The following ANKRD10 variants were observed in gnomAD, a reference collection of about 807,000 sequenced individuals.
The protein encoded by ANKRD10 is ankyrin repeat domain 10.
In ANKRD10, 14 loss-of-function variants were observed where a neutral mutation model predicts 27.0. The ratio of observed to expected loss-of-function variants is 0.52; its 90% CI spans 0.34 to 0.81. The LOEUF (loss-of-function observed/expected upper bound fraction) is 0.81, where lower values mean the gene tolerates loss of function less well. ANKRD10 is among the 40% of genes least tolerant of loss of function. The probability of loss-of-function intolerance (pLI) is 0.01; values close to 1 mark genes in which losing one functional copy is unlikely to be tolerated. For missense variants in ANKRD10, 493 were observed against 544.0 expected, an observed-to-expected ratio of 0.91 and a Z score of 0.93; for synonymous variants, 250 against 224.5, an observed-to-expected ratio of 1.11 and a Z score of -1.01.
At position 110,879,620 on chromosome 13, in the gene ANKRD10, G is replaced by A; in HGVS notation, c.*17C>T. 2 of 1,593,930 alleles carry A rather than the reference G, an allele frequency of 1.3e-6. No homozygotes were observed. Among genetic ancestry groups the A allele is most frequent in the East Asian group, 2.2e-5 (1 of 44,476 alleles). ...CCAGGAAGGACTCCTGCGTTTCCGA[G>A]AGCCAGGTCAGCGTCTCTAGGAGCC... On this transcript the variant is annotated 3_prime_UTR_variant, in exon 6 of 6. Coordinates refer to ENST00000267339, the MANE Select transcript of ANKRD10 (RefSeq NM_017664.4).
intron 3 of ANKRD10, among the ~76,000 whole-genome samples, chr13:110,902,669 T>C (rs1035491529): frequency 6.6e-6 from 1 of 152,226 alleles, no homozygotes; most frequent in Non-Finnish European, 1.5e-5. Context: ...GCTGAAAATC[T>C]GGTTACCACA....
intron 1 of ANKRD10, 198 bp downstream of exon 1, chr13:110,914,527 C>G: frequency 3.0e-5 from 20 of 674,300 alleles, no homozygotes; most frequent in Non-Finnish European, 4.1e-5. Flanking sequence ...GCCCCGCGCC[C>G]CCCGGCTGCC....
intron 1 of ANKRD10, 79 bp downstream of exon 1, chr13:110,914,645 TC>T (rs1366258854): frequency 1.0e-5 from 15 of 1,465,422 alleles, no homozygotes; most frequent in Admixed American, 2.3e-5. Context: ...ACGCCCCACG[TC>T]CCCCGCACCT....
At chr13:110,914,040 G>A (rs942670916) in intron 1 of ANKRD10, among the ~76,000 whole-genome samples, 1 of 152,210 alleles carries the variant, frequency 6.6e-6, no homozygotes, top group African/African-American at 2.4e-5. Context: ...TTAGATCCAA[G>A]ATAAACACAG....
chr13:110,907,420 G>C (rs986444069), intron 2 of ANKRD10, among the ~76,000 whole-genome samples: 1 of 152,112 alleles, frequency 6.6e-6, no homozygotes, highest in African/African-American at 2.4e-5. Context: ...GGGTCACTTA[G>C]AAAACAGTTC....
chr13:110,885,697 T>A (rs999490161), intron 4 of ANKRD10, among the ~76,000 whole-genome samples: 1 of 151,850 alleles, frequency 6.6e-6, no homozygotes, highest in African/African-American at 2.4e-5. Flanking sequence ...CAAGAGCGGG[T>A]CAACGTTTGC....
At position 110,906,027 on chromosome 13, in the gene ANKRD10, A is replaced by T; in HGVS notation, c.455+6T>A. The T allele has an allele frequency of 6.3e-7, 1 of 1,586,822 alleles. No individual in the cohort carries two copies. Among genetic ancestry groups the T allele is most frequent in the Non-Finnish European group, 8.6e-7 (1 of 1,163,656 alleles). ...TAGCTGGAAAGAATAAACGAAAGAC[A>T]CTTACTCGACGTGAGCCCCATTCGC... is the stretch of plus-strand genomic sequence containing the variant. On this transcript the variant is annotated splice_donor_region_variant and intron_variant, in intron 3 of 5. Coordinates refer to ENST00000267339, the MANE Select transcript of ANKRD10 (RefSeq NM_017664.4).
chr13:110,901,766 C>A (rs1384964526), intron 3 of ANKRD10, among the ~76,000 whole-genome samples: 2 of 152,150 alleles, frequency 1.3e-5, no homozygotes, highest in African/African-American at 2.4e-5. Flanking sequence ...AAGGAGGCTG[C>A]ACAGTGGCTC....
chr13:110,891,578 T>C (rs531698481), intron 4 of ANKRD10, among the ~76,000 whole-genome samples: 1 of 152,182 alleles, frequency 6.6e-6, no homozygotes, highest in Admixed American at 6.5e-5. Context: ...ATCAACTTTA[T>C]AGGGAAAAAA....
intron 3 of ANKRD10, among the ~76,000 whole-genome samples, chr13:110,905,583 T>C (rs2065508593): frequency 6.6e-6 from 1 of 152,184 alleles, no homozygotes; most frequent in African/African-American, 2.4e-5. Flanking sequence ...GACGTGGAAA[T>C]CAAAACCTAG....
chr13:110,884,275 G>A (rs2064874762), intron 4 of ANKRD10, among the ~76,000 whole-genome samples: 1 of 152,172 alleles, frequency 6.6e-6, no homozygotes, highest in African/African-American at 2.4e-5. Context: ...CTGTCCCAGA[G>A]TGGCATTTGA....
intron 4 of ANKRD10, among the ~76,000 whole-genome samples, chr13:110,887,135 G>A (rs988336867): frequency 6.6e-6 from 1 of 152,138 alleles, no homozygotes; most frequent in African/African-American, 2.4e-5. Flanking sequence ...CTGACCCTGG[G>A]GGACACACAG....
chr13:110,884,326 C>A (rs892806572), intron 4 of ANKRD10, among the ~76,000 whole-genome samples: 10 of 152,130 alleles, frequency 6.6e-5, no homozygotes, highest in African/African-American at 2.4e-4. Flanking sequence ...CACCAAAATA[C>A]AGAAAGCGTT....
chr13:110,894,292 GCAAGCTA>G (rs776534882), intron 3 of ANKRD10: 52 of 731,944 alleles, frequency 7.1e-5, no homozygotes, highest in Non-Finnish European at 1.1e-4. Flanking sequence ...TACCTGTTCA[GCAAGCTA>G]CACTACATCC....
At position 110,879,663 on chromosome 13, in the gene ANKRD10, T is replaced by C; in HGVS notation, c.1237A>G (p.Thr413Ala). 1 of 1,613,304 alleles carries C rather than the reference T, an allele frequency of 6.2e-7. No homozygotes were observed. The highest frequency in any genetic ancestry group is 8.5e-7 in the Non-Finnish European group (1 of 1,179,712). ...TAGGAGCCGTGGTGCAGGTGCATGG[T>C]GCCCAGCACGGCACTGTCGTACCGC... Reference protein sequence around the residue: ...QERYDSAVLGTMHLHHGS With the variant: ...QERYDSAVLGAMHLHHGS The change falls in exon 6 of 6, where the codon ACC becomes GCC. Residue 413 changes from threonine to alanine, a missense_variant. Physicochemically the swap from Thr to Ala is moderately conservative, Grantham distance 58. Transcript: ENST00000267339.
intron 3 of ANKRD10, chr13:110,893,963 A>G: frequency 1.7e-6 from 1 of 585,862 alleles, no homozygotes; most frequent in Non-Finnish European, 3.0e-6. Context: ...CCTACCACTC[A>G]CAAGAACCAA....
In ANKRD10 at chr13:110,914,771, G is replaced by C; in HGVS notation, c.164C>G (p.Ser55Cys). The change falls in exon 1 of 6, where the codon TCC becomes TGC. Residue 55 changes from serine (S) to cysteine (C), a missense_variant. Transcript: ENST00000267339. ...TPHAHLASEDSFYGWTPVHWA... is the reference protein window; with the variant it reads ...TPHAHLASEDCFYGWTPVHWA... ...GTGCACGGGCGTCCAGCCATAGAAG[G>C]AGTCCTCAGAGGCCAGGTGGGCGTG... The C allele has an allele frequency of 1.3e-6, 2 of 1,599,034 alleles. No individual in the cohort carries two copies. The highest frequency in any genetic ancestry group is 2.3e-5 in the South Asian group (2 of 88,534).
At chr13:110,886,636 G>T (rs1447925415) in intron 4 of ANKRD10, among the ~76,000 whole-genome samples, 4 of 152,076 alleles carry the variant, frequency 2.6e-5, no homozygotes, top group African/African-American at 9.7e-5. Context: ...TAAGAACATT[G>T]GATTTGGACC....
Position 110,879,569 on chromosome 13 carries a change from G to T in ANKRD10, c.*68C>A. On this transcript the variant is annotated 3_prime_UTR_variant, in exon 6 of 6. Coordinates refer to ENST00000267339, the MANE Select transcript of ANKRD10 (RefSeq NM_017664.4). Reference sequence around the variant, plus strand: ...AGTTGTGACATTCGTTCAAGTTGCTGCTACATGGGTATTCTGAGCTGGCTA... The same window carrying T: ...AGTTGTGACATTCGTTCAAGTTGCTTCTACATGGGTATTCTGAGCTGGCTA... 1 of 1,210,022 alleles carries T rather than the reference G, an allele frequency of 8.3e-7. No homozygotes were observed. Among genetic ancestry groups the T allele is most frequent in the Non-Finnish European group, 1.2e-6 (1 of 846,396 alleles). The allele number at this position is 1,210,022 out of a possible 1,614,324, so 75.0% of individuals were successfully genotyped here.
Sources: allele counts gnomAD v4.1 joint callset (sites outside exome capture counted in the v4.1 genomes callset), GRCh38; gene constraint gnomAD v4.1.1; transcripts MANE v1.5; gene names NCBI Gene and HGNC (gene_info 2026-07-23, HGNC 2026-07-21).